TMEM237: variants seen among roughly 807,000 people sequenced by gnomAD.
The protein encoded by TMEM237 is amyotrophic lateral sclerosis 2 (juvenile) chromosome region, candidate 4.
Under a neutral mutation model 59.1 loss-of-function variants are expected in TMEM237, and 51 were observed. The ratio of observed to expected loss-of-function variants is 0.86; its 90% CI spans 0.69 to 1.09. TMEM237 has a LOEUF of 1.09. Ranked by LOEUF, TMEM237 falls within the 50% of genes least tolerant of loss-of-function variation. The pLI, the probability that TMEM237 is intolerant of heterozygous loss-of-function variation, is 0.00. For missense variants in TMEM237, 475 were observed against 478.3 expected (o/e 0.99, Z 0.06); for synonymous variants, 140 against 166.1 (o/e 0.84, Z 1.21).
At chr2:201,629,886 C>T (rs746765742) in intron 7 of TMEM237, 34 bp from the exon 8 acceptor site, 36 of 1,592,300 alleles carry the variant, frequency 2.3e-5, no homozygotes, top group South Asian at 3.5e-5. Context: ...TAACAACTAG[C>T]GAGAGAGAAC....
At chr2:201,639,078 G>A (rs1278574001) in intron 3 of TMEM237, 33 bp from the exon 4 acceptor site, 7 of 1,548,728 alleles carry the variant, frequency 4.5e-6, no homozygotes, top group Non-Finnish European at 4.4e-6. Context: ...AACAGAAAAG[G>A]GTGCCTAAAA....
Position 201,643,281 on chromosome 2 carries a change from C to A in TMEM237, c.42+78G>T, listed in dbSNP as rs191676728. 5.2e-6 allele frequency: 7 copies of A among 1,335,536 alleles called. No homozygotes were observed. Among genetic ancestry groups the A allele is most frequent in the East Asian group, 2.7e-5 (1 of 37,462 alleles). The allele number at this position is 1,335,536 out of a possible 1,614,324, so 82.7% of individuals were successfully genotyped here. A position where few individuals can be genotyped will look rare whatever the true frequency, so the allele number is the denominator to read the frequency against. On this transcript the variant is annotated intron_variant, in intron 1 of 12. Transcript: ENST00000409883. The surrounding 1 kb of genome is among the most constrained non-coding windows in gnomAD (Gnocchi z 4.3). ...GATTCCCAGCTCGTTGGCGCCCCCC[C>A]ACACACACCCACCCCCACTGCCAAG...
intron 4 of TMEM237, among the ~76,000 whole-genome samples, chr2:201,638,050 C>T (rs915433262): frequency 6.6e-6 from 1 of 152,210 alleles, no homozygotes; most frequent in Non-Finnish European, 1.5e-5. Context: ...TACAGAAGTA[C>T]TTCTTCCCTA....
In TMEM237 at chr2:201,643,204, G is replaced by T. The variant is rs1283247649; in HGVS notation, c.42+155C>A. 6.6e-6 allele frequency among the ~76,000 whole-genome samples: 1 copy of T among 152,132 alleles called. No homozygotes were observed. The highest frequency in any genetic ancestry group is 2.4e-5 in the African/African-American group (1 of 41,454). On this transcript the variant is annotated intron_variant, in intron 1 of 12. Coordinates refer to ENST00000409883, the MANE Select transcript of TMEM237 (RefSeq NM_001044385.3). The surrounding 1 kb of genome is among the most constrained non-coding windows in gnomAD (Gnocchi z 4.3). ...GCCTGCGTCTCCGTCCCATTCCTGT[G>T]AACACTGGAGGGGCGGATGCGCGCA...
intron 1 of TMEM237, among the ~76,000 whole-genome samples, chr2:201,641,488 A>G (rs1280889618): frequency 2.6e-5 from 4 of 151,784 alleles, no homozygotes; most frequent in Non-Finnish European, 5.9e-5. Context: ...ATTCCTTTCC[A>G]TCTCTAGGCC....
In TMEM237 at chr2:201,638,643, A is replaced by G. The variant is rs140393996; in HGVS notation, c.136+346T>C. The G allele has an allele frequency of 4.6e-3, 1,015 of 222,798 alleles. 7 individuals are homozygous for G. Among genetic ancestry groups the G allele is most frequent in the Admixed American group, 7.0e-3 (130 of 18,594 alleles). 13.8% of individuals were successfully genotyped at this position (222,798 alleles called of 1,614,324 possible). ...TGAGATTTAAGAACTCTGTGTTTCT[A>G]AATTCAGTATCTTGTTCAAGGGTCT... is the stretch of plus-strand genomic sequence containing the variant. On this transcript the variant is annotated intron_variant, in intron 4 of 12. Coordinates refer to ENST00000409883, the MANE Select transcript of TMEM237 (RefSeq NM_001044385.3).
At chr2:201,642,559 C>G in intron 1 of TMEM237, 1 of 1,592,558 alleles carries the variant, frequency 6.3e-7, no homozygotes, top group Non-Finnish European at 8.5e-7. Context: ...TAGGACGGCT[C>G]AACTGAAGAC....
intron 11 of TMEM237, 162 bp from the exon 12 acceptor site, chr2:201,626,309 T>C: frequency 1.4e-6 from 1 of 710,258 alleles, no homozygotes; most frequent in South Asian, 2.1e-5. Flanking sequence ...ATACCACATA[T>C]ATAATGAGAA....
chr2:201,628,044 TAC>T lies in TMEM237; in HGVS notation c.943+30_943+31del, dbSNP rs1452320531. Reference sequence around the variant, plus strand: ...CAAAATTATGGTATAACTGAAGTATTACACAGTTATCATGTTAAACTGCTTAC... The same window carrying T: ...CAAAATTATGGTATAACTGAAGTATTACAGTTATCATGTTAAACTGCTTAC... On this transcript the variant is annotated intron_variant, in intron 10 of 12. Coordinates refer to ENST00000409883, the MANE Select transcript of TMEM237 (RefSeq NM_001044385.3). The T allele has an allele frequency of 1.1e-5, 16 of 1,520,674 alleles. No individual in the cohort carries two copies. In the Admixed American group the frequency reaches 2.0e-4, roughly 19 times the overall value. The allele number at this position is 1,520,674 out of a possible 1,614,324, so 94.2% of individuals were successfully genotyped here. A position where few individuals can be genotyped will look rare whatever the true frequency, so the allele number is the denominator to read the frequency against.
intron 11 of TMEM237, 72 bp downstream of exon 11, chr2:201,627,249 A>C: frequency 9.2e-7 from 1 of 1,089,408 alleles, no homozygotes; most frequent in Non-Finnish European, 1.3e-6. Context: ...TTGCAGTTGA[A>C]AAAGAATGGA....
Position 201,640,924 on chromosome 2 carries a change from G to A in TMEM237, c.43C>T (p.Arg15Cys), listed in dbSNP as rs879773501. The A allele has an allele frequency of 3.7e-6, 6 of 1,600,576 alleles. No homozygotes were observed. The highest frequency in any genetic ancestry group is 1.7e-4 in the Middle Eastern group (1 of 6,006). ...SGARLEEGHL[R>C]PPRALPPVPS... ...ACAGGTGGAAGAGCTCGTGGAGGAC[G>A]CTGTGGCGGAAAAAATAAATTTGCT... Residue 15 changes from arginine to cysteine, a missense_variant and splice_region_variant, in exon 2 of 13, where the codon CGT (arginine) becomes TGT (cysteine). By Grantham distance (180) the Arg-to-Cys change is radical. Transcript: ENST00000409883.
chr2:201,639,984 C>T (rs1415031014), intron 3 of TMEM237, among the ~76,000 whole-genome samples: 1 of 152,108 alleles, frequency 6.6e-6, no homozygotes, highest in Non-Finnish European at 1.5e-5. Context: ...CTAAATGAGA[C>T]AAAGGAAGGT....
At position 201,631,937 on chromosome 2, in the gene TMEM237, T is replaced by C. The variant is rs894170040; in HGVS notation, c.553+114A>G. ...ATAGCATGATGACCAGTTTTGTGTA[T>C]AAATTGTTGTACACAGTTTTGCTTA... On this transcript the variant is annotated intron_variant, in intron 7 of 12. Transcript: ENST00000409883. 6.2e-6 allele frequency: 7 copies of C among 1,126,284 alleles called. No homozygotes were observed. The African/African-American group carries it at 1.1e-4, about 17-fold the overall frequency. 69.8% of individuals were successfully genotyped at this position (1,126,284 alleles called of 1,614,324 possible).
intron 7 of TMEM237, 66 bp from the exon 8 acceptor site, chr2:201,629,918 TA>T (rs1957794804): frequency 3.3e-6 from 5 of 1,521,494 alleles, no homozygotes; most frequent in African/African-American, 1.4e-5. Context: ...TTTTTTTTTT[TA>T]AATTCCATAC....
At chr2:201,632,931 T>C (rs562302681) in intron 6 of TMEM237, among the ~76,000 whole-genome samples, 5 of 152,348 alleles carry the variant, frequency 3.3e-5, no homozygotes, top group Middle Eastern at 3.4e-3. Context: ...GTTTTACTTA[T>C]TCCTAAAATA....
At chr2:201,640,711 A>C (rs1315380993) in intron 2 of TMEM237, among the ~76,000 whole-genome samples, 182 bp downstream of exon 2, 2 of 152,082 alleles carry the variant, frequency 1.3e-5, no homozygotes, top group Non-Finnish European at 2.9e-5. Flanking sequence ...ATAACATTCC[A>C]TTATAACTGT....
chr2:201,630,721 T>C (rs1028646129), intron 7 of TMEM237, among the ~76,000 whole-genome samples: 3 of 152,120 alleles, frequency 2.0e-5, no homozygotes, highest in Non-Finnish European at 2.9e-5. Flanking sequence ...AGAACTGCGG[T>C]AATTTAAATG....
chr2:201,642,766 G>C (rs746802035), intron 1 of TMEM237: 3 of 1,440,904 alleles, frequency 2.1e-6, no homozygotes, highest in East Asian at 2.8e-5. Flanking sequence ...CGCCCTGCGG[G>C]GATGTTGCGG....
Position 201,623,176 on chromosome 2 carries a change from T to A in TMEM237, c.*1079A>T, listed in dbSNP as rs1574575673. The A allele has an allele frequency of 2.9e-6, 1 of 348,784 alleles. No homozygotes were observed. The highest frequency in any genetic ancestry group is 8.0e-5 in the East Asian group (1 of 12,500). 21.6% of individuals were successfully genotyped at this position (348,784 alleles called of 1,614,324 possible). A position where few individuals can be genotyped will look rare whatever the true frequency, so the allele number is the denominator to read the frequency against. ...TCTATCATCAATTTGTCAATCCTCT[T>A]CTGTTCTATAACATTCAGGTGCTTG... On this transcript the variant is annotated 3_prime_UTR_variant, in exon 13 of 13. Transcript: ENST00000409883.
Sources: gnomAD v4.1 joint callset for allele counts (sites outside exome capture counted in the v4.1 genomes callset) on GRCh38, gnomAD v4.1.1 for gene constraint, Gnocchi (gnomAD v3.1) non-coding constraint, MANE v1.5 for transcripts, NCBI Gene and HGNC (gene_info 2026-07-23, HGNC 2026-07-21) for gene names.